HELQ: variants seen among roughly 807,000 people sequenced by gnomAD.
HELQ encodes helicase, POLQ like, also known as helicase POLQ-like.
Under a neutral mutation model 111.6 loss-of-function variants are expected in HELQ, and 77 were observed. The observed-to-expected ratio is 0.69, with a 90% CI of 0.57 to 0.83. The LOEUF is 0.83. Ranked by LOEUF, HELQ falls within the 40% of genes least tolerant of loss-of-function variation. The pLI, the probability that HELQ is intolerant of heterozygous loss-of-function variation, is 0.00. For missense variants in HELQ, 1,200 were observed against 1,288.5 expected (o/e 0.93, Z 1.05); for synonymous variants, 438 against 454.7 (o/e 0.96, Z 0.47).
At position 83,451,672 on chromosome 4, in the gene HELQ, A is replaced by C. The variant is rs183783779; in HGVS notation, c.1012+1559T>G. Among the ~76,000 whole-genome samples the C allele has an allele frequency of 4.4e-4, 66 of 149,648 alleles. 1 individual carries two copies. In the East Asian group the frequency reaches 0.012, roughly 27 times the overall value. ...ACGCGAGACTCCGTCTCAAAAAAAA[A>C]CAAAAAAACAAAAACAAAAACAAAA... is the stretch of plus-strand genomic sequence containing the variant. On this transcript the variant is annotated intron_variant, in intron 2 of 17. Coordinates refer to ENST00000295488, the MANE Select transcript of HELQ (RefSeq NM_133636.5).
chr4:83,419,086 C>T (rs769166775), intron 15 of HELQ, among the ~76,000 whole-genome samples: 3 of 149,154 alleles, frequency 2.0e-5, no homozygotes, highest in Non-Finnish European at 2.9e-5. Flanking sequence ...CTGTGGCCCA[C>T]AGGCCACATG....
intron 15 of HELQ, among the ~76,000 whole-genome samples, chr4:83,419,639 T>C (rs961316209): frequency 1.3e-5 from 2 of 151,644 alleles, no homozygotes; most frequent in Non-Finnish European, 2.9e-5. Context: ...CAAGTCCTCA[T>C]AGTCGCAATG....
In HELQ at chr4:83,426,572, GT is replaced by G. The variant is rs769458072; in HGVS notation, c.2677-481del. The stretch of plus-strand genomic sequence containing the variant: ...AATATACGTTTTTGTTTCTGTTTTT[GT>G]TTTTTTTTTTGAGACAGTCTCATTC... On this transcript the variant is annotated intron_variant, in intron 13 of 17. Coordinates refer to ENST00000295488, the MANE Select transcript of HELQ (RefSeq NM_133636.5). 4.4e-4 allele frequency among the ~76,000 whole-genome samples: 64 copies of G among 145,690 alleles called. 1 individual carries two copies. The highest frequency in any genetic ancestry group is 1.4e-3 in the African/African-American group (55 of 39,888).
In HELQ at chr4:83,437,038, A is replaced by G. The variant is rs760760468; in HGVS notation, c.1868T>C (p.Ile623Thr). The change falls in exon 9 of 18, where the codon ATT becomes ACT. Residue 623 changes from isoleucine to threonine, a missense_variant. This residue lies in a region of HELQ where 585 missense variants were observed against 665.3 expected (regional missense o/e 0.88). Transcript: ENST00000295488. The part of the protein sequence containing the change: ...KCEVIKNLKN[I>T]GNGNLCPVLK... ...AACAGGACACAGGTTGCCATTGCCA[A>G]TATTCTTCAAGTTCTTAATCACCTC... The G allele has an allele frequency of 1.2e-6, 2 of 1,613,908 alleles. No individual in the cohort carries two copies. The highest frequency in any genetic ancestry group is 1.7e-5 in the Admixed American group (1 of 60,000).
chr4:83,446,755 A>C, intron 4 of HELQ, 80 bp downstream of exon 4: 1 of 811,914 alleles, frequency 1.2e-6, no homozygotes, highest in Non-Finnish European at 2.0e-6. Context: ...CTAAGGTACT[A>C]AGTAGATCCA....
intron 17 of HELQ, among the ~76,000 whole-genome samples, chr4:83,410,355 T>A (rs549896145): frequency 3.9e-5 from 6 of 152,356 alleles, no homozygotes; most frequent in South Asian, 4.1e-4. Context: ...CAGATTTTTT[T>A]AAACCCCAAA....
intron 2 of HELQ, among the ~76,000 whole-genome samples, chr4:83,449,849 A>G (rs1186754198): frequency 2.0e-5 from 3 of 148,758 alleles, no homozygotes; most frequent in African/African-American, 4.9e-5. Context: ...AATTTTTAAA[A>G]TAAAAAACAA....
At chr4:83,452,235 T>C (rs548026535) in intron 2 of HELQ, among the ~76,000 whole-genome samples, 2 of 152,316 alleles carry the variant, frequency 1.3e-5, no homozygotes, top group East Asian at 3.9e-4. Flanking sequence ...TCTTAAAACA[T>C]TATGAGATTT....
At chr4:83,433,942 C>T (rs1720303392) in intron 9 of HELQ, among the ~76,000 whole-genome samples, 1 of 141,134 alleles carries the variant, frequency 7.1e-6, no homozygotes, top group Non-Finnish European at 1.5e-5. Context: ...TATCATGCCA[C>T]TGCACTCCAA....
In HELQ at chr4:83,453,947, T is replaced by A. The variant is rs879024696; in HGVS notation, c.298-2A>T. ...CATGTCCACTTCACTGTCATTAGGC[T>A]GCAAAGAGAACAAAAACGCTTATGG... On this transcript the variant is annotated splice_acceptor_variant, in intron 1 of 17. Coordinates refer to ENST00000295488, the MANE Select transcript of HELQ (RefSeq NM_133636.5). LOFTEE classifies it high-confidence loss of function. The A allele has an allele frequency of 6.4e-7, 1 of 1,566,644 alleles. No homozygotes were observed. The highest frequency in any genetic ancestry group is 1.1e-5 in the South Asian group (1 of 87,628).
At chr4:83,433,437 G>A (rs973595504) in intron 9 of HELQ, among the ~76,000 whole-genome samples, 1 of 152,098 alleles carries the variant, frequency 6.6e-6, no homozygotes, top group Non-Finnish European at 1.5e-5. Flanking sequence ...AGAGGCTGAG[G>A]GGGGCGGATC....
intron 14 of HELQ, among the ~76,000 whole-genome samples, chr4:83,422,293 C>G (rs765703555): frequency 1.3e-5 from 2 of 152,086 alleles, no homozygotes; most frequent in Non-Finnish European, 2.9e-5. Flanking sequence ...AAACTTCCTT[C>G]TACAGGGAAG....
intron 9 of HELQ, 139 bp downstream of exon 9, chr4:83,436,719 C>T: frequency 2.7e-6 from 2 of 746,814 alleles, no homozygotes; most frequent in Non-Finnish European, 2.0e-6. Context: ...GAAAATAAAC[C>T]AACCAATCAA....
intron 10 of HELQ, 92 bp downstream of exon 10, chr4:83,432,034 A>G (rs1320321793): frequency 9.1e-6 from 7 of 765,586 alleles, no homozygotes; most frequent in Non-Finnish European, 1.2e-5. Flanking sequence ...AAGAAAATTA[A>G]TAATTAATTT....
At chr4:83,409,394 C>T (rs532595834) in intron 17 of HELQ, among the ~76,000 whole-genome samples, 11 of 151,196 alleles carry the variant, frequency 7.3e-5, no homozygotes, top group Admixed American at 6.6e-4. Flanking sequence ...ACTAAAAATA[C>T]AAAAAAAAAT....
intron 14 of HELQ, 33 bp downstream of exon 14, chr4:83,425,961 T>C: frequency 8.7e-7 from 1 of 1,155,868 alleles, no homozygotes; most frequent in Non-Finnish European, 1.3e-6. Context: ...TTGAGTGAAC[T>C]TATTATTTAG....
intron 2 of HELQ, among the ~76,000 whole-genome samples, chr4:83,451,349 G>C (rs543931354): frequency 6.6e-6 from 1 of 152,120 alleles, no homozygotes; most frequent in Non-Finnish European, 1.5e-5. Context: ...GAGTATACCA[G>C]GCACAGTGCT....
intron 6 of HELQ, among the ~76,000 whole-genome samples, chr4:83,442,893 T>A (rs1720852556): frequency 6.6e-6 from 1 of 152,084 alleles, no homozygotes; most frequent in Non-Finnish European, 1.5e-5. Context: ...ATTAAAAAAA[T>A]ATTTTCTGAA....
chr4:83,446,774 C>A, intron 4 of HELQ, 61 bp downstream of exon 4: 1 of 1,026,908 alleles, frequency 9.7e-7, no homozygotes. Context: ...CACACAATAA[C>A]CAGAATAATA....
Sources: gnomAD v4.1 joint callset for allele counts (sites outside exome capture counted in the v4.1 genomes callset) on GRCh38, gnomAD v4.1.1 for gene constraint, gnomAD v4.1.1 regional missense constraint, MANE v1.5 for transcripts, NCBI Gene and HGNC (gene_info 2026-07-23, HGNC 2026-07-21) for gene names.